Variants in RETSAT observed in about 807,000 individuals in gnomAD.
The protein encoded by RETSAT is all-trans-retinol 13,14-reductase.
In RETSAT, 35 loss-of-function variants were observed where a neutral mutation model predicts 61.6. That is an observed-to-expected ratio of 0.57 (90% CI 0.43 to 0.75). RETSAT has a LOEUF of 0.75. RETSAT is among the 30% of genes least tolerant of loss of function. The pLI is 0.00. For synonymous variants in RETSAT, 277 were observed against 310.4 expected (o/e 0.89, Z 1.13); for missense variants, 670 against 759.5 (o/e 0.88, Z 1.38).
At chr2:85,350,645 A>G in intron 3 of RETSAT, 135 bp downstream of exon 3, 1 of 1,017,018 alleles carries the variant, frequency 9.8e-7, no homozygotes, top group Non-Finnish European at 1.5e-6. Flanking sequence ...GTGGAGGCTG[A>G]GCTAAGAACA....
chr2:85,343,144 TTA>T lies in RETSAT; in HGVS notation c.*96_*97del. The T allele has an allele frequency of 6.5e-7, 1 of 1,529,774 alleles. No individual in the cohort carries two copies. The highest frequency in any genetic ancestry group is 8.9e-7 in the Non-Finnish European group (1 of 1,123,080). The allele number at this position is 1,529,774 out of a possible 1,614,324, so 94.8% of individuals were successfully genotyped here. ...GGCATCAGAACCAAATTAGAGTGCT[TTA>T]TACGTGCAAGGAACTAATGCAGAAA... On this transcript the variant is annotated 3_prime_UTR_variant, in exon 11 of 11. Transcript: ENST00000295802.
intron 5 of RETSAT, among the ~76,000 whole-genome samples, chr2:85,347,186 T>C (rs901183336): frequency 6.6e-6 from 1 of 152,094 alleles, no homozygotes; most frequent in Non-Finnish European, 1.5e-5. Context: ...CCGTGCTGTC[T>C]GTTATCCCCA....
rs200798336 is a variant in RETSAT at position 85,344,392 on chromosome 2, T to G, written c.1257-44A>C. On this transcript the variant is annotated intron_variant, in intron 7 of 10. Transcript: ENST00000295802. The stretch of plus-strand genomic sequence containing the variant: ...TGGTGGGATCTCCAGGTTTTTGTCC[T>G]CAAAACCCCAGAACCACTGCAAGGA... The G allele has an allele frequency of 8.4e-4, 1,337 of 1,593,744 alleles. 5 individuals carry two copies. The highest frequency in any genetic ancestry group is 1.1e-3 in the Non-Finnish European group (1,222 of 1,162,584).
intron 6 of RETSAT, among the ~76,000 whole-genome samples, chr2:85,345,063 G>T (rs1462877389): frequency 6.6e-6 from 1 of 152,148 alleles, no homozygotes; most frequent in Non-Finnish European, 1.5e-5. Flanking sequence ...AGAGAGAAAG[G>T]TAGGAAGTAG....
At chr2:85,344,809 G>A in intron 6 of RETSAT, 77 bp from the exon 7 acceptor site, 1 of 1,532,990 alleles carries the variant, frequency 6.5e-7, no homozygotes, top group Non-Finnish European at 8.8e-7. Context: ...AGAGCCTTGG[G>A]GTGCCAGCTC....
In RETSAT at chr2:85,351,810, A is replaced by C; in HGVS notation, c.225T>G (p.Ser75Arg). ...PEKLDVVVIG[S>R]GFGGLAAAAI... The stretch of plus-strand genomic sequence containing the variant: ...CAGCTGCAGCCAGGCCCCCAAAGCC[A>C]CTGCCAATTACCACCACATCCAGCT... The change falls in exon 2 of 11, where the codon AGT becomes AGG. Residue 75 changes from serine (S) to arginine (R), a missense_variant. Coordinates refer to ENST00000295802, the MANE Select transcript of RETSAT (RefSeq NM_017750.4). The C allele has an allele frequency of 6.2e-7, 1 of 1,614,156 alleles. No individual in the cohort carries two copies. The highest frequency in any genetic ancestry group is 8.5e-7 in the Non-Finnish European group (1 of 1,180,028).
At chr2:85,348,148 C>T (rs1011112610) in intron 5 of RETSAT, among the ~76,000 whole-genome samples, 1 of 152,158 alleles carries the variant, frequency 6.6e-6, no homozygotes, top group South Asian at 2.1e-4. Context: ...ACAGCATCAA[C>T]CTGAGCCAGG....
chr2:85,351,612 C>T (rs1683300582), intron 2 of RETSAT, 68 bp downstream of exon 2: 1 of 1,483,492 alleles, frequency 6.7e-7, no homozygotes, highest in Non-Finnish European at 9.2e-7. Flanking sequence ...AGTATCACCC[C>T]ACAAGGGCTG....
chr2:85,344,956 G>A (rs186926712), intron 6 of RETSAT, among the ~76,000 whole-genome samples: 9 of 152,332 alleles, frequency 5.9e-5, no homozygotes, highest in East Asian at 1.9e-4. Context: ...AGTGAGAGGG[G>A]GGCGGGAGGG....
At chr2:85,343,531 G>A (rs1423185123) in intron 10 of RETSAT, 108 bp downstream of exon 10, 1 of 1,542,380 alleles carries the variant, frequency 6.5e-7, no homozygotes, top group Non-Finnish European at 8.9e-7. Context: ...CCCTGCTCAG[G>A]GGATGGGAGG....
intron 2 of RETSAT, chr2:85,351,273 C>T (rs891951547): frequency 1.5e-5 from 8 of 526,864 alleles, no homozygotes; most frequent in African/African-American, 9.5e-5. Context: ...CACCCATAAT[C>T]CCAACACTTT....
At chr2:85,348,906 A>G (rs1683252093) in intron 5 of RETSAT, among the ~76,000 whole-genome samples, 1 of 151,706 alleles carries the variant, frequency 6.6e-6, no homozygotes, top group African/African-American at 2.4e-5. Flanking sequence ...GCGTGCCACC[A>G]TGCCCAGCTA....
intron 5 of RETSAT, 58 bp from the exon 6 acceptor site, chr2:85,346,152 C>A: frequency 6.4e-7 from 1 of 1,568,322 alleles, no homozygotes. Context: ...GAGAAAGGCC[C>A]ACGGCCCCCA....
chr2:85,349,445 G>GC lies in RETSAT; in HGVS notation c.935dup (p.Ala313ArgfsTer29). 6.2e-7 allele frequency: 1 copy of GC among 1,614,152 alleles called. No homozygotes were observed. The highest frequency in any genetic ancestry group is 1.1e-5 in the South Asian group (1 of 91,084). ...GCACAGTGGCCTTTGTGAGGACAGC[G>GC]CCCCCAGCCCGCTGAATCACAGGGA... On this transcript the variant is annotated frameshift_variant, in exon 5 of 11. Transcript: ENST00000295802. LOFTEE classifies it high-confidence loss of function.
At chr2:85,352,276 C>T (rs1463531746) in intron 1 of RETSAT, among the ~76,000 whole-genome samples, 1 of 152,042 alleles carries the variant, frequency 6.6e-6, no homozygotes, top group African/African-American at 2.4e-5. Flanking sequence ...CGGAGTCTCA[C>T]TCTGTCACCC....
rs199689552 is a variant in RETSAT at position 85,351,874 on chromosome 2, G to A, written c.173-12C>T. 11 of 1,610,036 alleles carry A rather than the reference G, an allele frequency of 6.8e-6. No homozygotes were observed. The East Asian group carries it at 2.0e-4, about 29-fold the overall frequency. ...GTTGGCTGAAAAAGCTACAGCAGAA[G>A]GGCCAAAGGGTGGGTTTCTCAGGCA... On this transcript the variant is annotated splice_polypyrimidine_tract_variant and intron_variant, in intron 1 of 10. Transcript: ENST00000295802.
At chr2:85,348,353 G>C (rs1204151422) in intron 5 of RETSAT, among the ~76,000 whole-genome samples, 1 of 152,114 alleles carries the variant, frequency 6.6e-6, no homozygotes, top group African/African-American at 2.4e-5. Flanking sequence ...ATAGTCGGCT[G>C]GTCTCCGTGC....
chr2:85,351,009 A>G lies in RETSAT; in HGVS notation c.368T>C (p.Ile123Thr), dbSNP rs987565836. 10 of 1,613,984 alleles carry G rather than the reference A, an allele frequency of 6.2e-6. No individual in the cohort carries two copies. The highest frequency in any genetic ancestry group is 1.1e-5 in the South Asian group (1 of 91,082). Reference protein sequence around the residue: ...GLEFDTGIHYIGRMEEGSIGR... With the variant: ...GLEFDTGIHYTGRMEEGSIGR... ...AATGCTGCCCTCTTCCATACGCCCA[A>G]TGTAATGGATTCCTGTTGGGAGATG... Residue 123 changes from isoleucine to threonine, a missense_variant, in exon 3 of 11, where the codon ATT becomes ACT. Physicochemically the swap from Ile to Thr is moderately conservative, Grantham distance 89. Coordinates refer to ENST00000295802, the MANE Select transcript of RETSAT (RefSeq NM_017750.4).
intron 5 of RETSAT, among the ~76,000 whole-genome samples, chr2:85,347,255 A>C (rs1353963933): frequency 6.6e-6 from 1 of 152,088 alleles, no homozygotes; most frequent in Non-Finnish European, 1.5e-5. Flanking sequence ...TTTAAGATGA[A>C]GCCTCGCTCC....
Sources: allele counts gnomAD v4.1 joint callset (sites outside exome capture counted in the v4.1 genomes callset), GRCh38; gene constraint gnomAD v4.1.1; transcripts MANE v1.5; gene names NCBI Gene and HGNC (gene_info 2026-07-23, HGNC 2026-07-21).